SHC4: variants seen among roughly 807,000 people sequenced by gnomAD.
SHC4 encodes the protein SHC-transforming protein 4.
Under a neutral mutation model 69.4 loss-of-function variants are expected in SHC4, and 41 were observed. The observed-to-expected ratio is 0.59, with a 90% CI of 0.46 to 0.77. The LOEUF (loss-of-function observed/expected upper bound fraction) is 0.77, where lower values mean the gene tolerates loss of function less well. Ranked by LOEUF, SHC4 falls within the 30% of genes least tolerant of loss-of-function variation. The probability of loss-of-function intolerance (pLI) is 0.00; values close to 1 mark genes in which losing one functional copy is unlikely to be tolerated. For missense variants in SHC4, 777 were observed against 783.8 expected (o/e 0.99, Z 0.10); for synonymous variants, 318 against 299.3 (o/e 1.06, Z -0.64).
At chr15:48,957,223 G>A (rs1052603586) in intron 1 of SHC4, among the ~76,000 whole-genome samples, 7 of 151,856 alleles carry the variant, frequency 4.6e-5, no homozygotes, top group East Asian at 1.9e-4. Flanking sequence ...AGTGATATGC[G>A]TGCCTCAGCC....
At chr15:48,890,039 C>T (rs1021839891) in intron 3 of SHC4, among the ~76,000 whole-genome samples, 2 of 152,186 alleles carry the variant, frequency 1.3e-5, no homozygotes, top group African/African-American at 4.8e-5. Context: ...AGATGCCAGA[C>T]GCTGTGGTAG....
intron 11 of SHC4, among the ~76,000 whole-genome samples, chr15:48,830,629 T>C (rs1373024605): frequency 6.6e-6 from 1 of 152,060 alleles, no homozygotes; most frequent in Non-Finnish European, 1.5e-5. Flanking sequence ...CCCAAAAAAT[T>C]AACAATAAAG....
rs1186453682 is a variant in SHC4, at chr15:48,835,060, C to G, written c.1484-38G>C. On this transcript the variant is annotated intron_variant, in intron 10 of 11. Transcript: ENST00000332408. ...CACAAAGAGAGACATCATCGAGTTA[C>G]CTCTTCATCCATCCATTCATTCATT... 5 of 1,568,348 alleles carry G rather than the reference C, an allele frequency of 3.2e-6. No homozygotes were observed. The South Asian group carries it at 4.8e-5, about 15-fold the overall frequency.
rs779614122 is a variant in SHC4, at chr15:48,962,557, G to A, written c.459C>T (p.His153=). ...AATCAGGGGTTAGGGCGGTTGCCCT[G>A]TGTCCCACCAGGTCCTGCTGCGGTG... ...APPPQQDLVG[H]RATALTPDSC... Residue 153 remains histidine, a synonymous_variant, in exon 1 of 12, where the codon CAC becomes CAT. Coordinates refer to ENST00000332408, the MANE Select transcript of SHC4 (RefSeq NM_203349.4). 68 of 1,610,212 alleles carry A rather than the reference G, an allele frequency of 4.2e-5. No homozygotes were observed. Among genetic ancestry groups the A allele is most frequent in the Non-Finnish European group, 5.5e-5 (65 of 1,177,798 alleles).
rs572902914 is a variant in SHC4, at chr15:48,907,024, A to C, written c.657-16213T>G. 3.9e-5 allele frequency among the ~76,000 whole-genome samples: 6 copies of C among 152,196 alleles called. No homozygotes were observed. The South Asian group carries it at 1.0e-3, about 26-fold the overall frequency. On this transcript the variant is annotated intron_variant, in intron 2 of 11. Transcript: ENST00000332408. ...ATGCGATTAGAAAAACCATATATCA[A>C]ACTGTTACTACGGGTTATCTCCAGT...
At chr15:48,879,262 A>G (rs1899892577) in intron 4 of SHC4, 1 of 168,314 alleles carries the variant, frequency 5.9e-6, no homozygotes, top group South Asian at 2.0e-4. Context: ...CTACATTTTC[A>G]GTGTAAGATA....
intron 1 of SHC4, among the ~76,000 whole-genome samples, chr15:48,960,950 TAATC>T (rs536697122): frequency 1.5e-4 from 23 of 152,050 alleles, no homozygotes; most frequent in Non-Finnish European, 3.1e-4. Context: ...GGTAACAAAA[TAATC>T]AATCTACCCA....
intron 1 of SHC4, among the ~76,000 whole-genome samples, chr15:48,926,315 C>T (rs1900852773): frequency 6.6e-6 from 1 of 152,122 alleles, no homozygotes; most frequent in Non-Finnish European, 1.5e-5. Context: ...CTGTTGTCTC[C>T]TCGGAAATGA....
intron 2 of SHC4, among the ~76,000 whole-genome samples, chr15:48,916,289 AC>A (rs1900619700): frequency 1.4e-5 from 2 of 146,316 alleles, no homozygotes; most frequent in African/African-American, 5.4e-5. Context: ...ACACACACAC[AC>A]ACACACACAC....
chr15:48,833,594 C>T (rs1490549978), intron 11 of SHC4, among the ~76,000 whole-genome samples: 1 of 152,156 alleles, frequency 6.6e-6, no homozygotes, highest in Admixed American at 6.5e-5. Flanking sequence ...GCAAGCTATC[C>T]TGTGCTCTTC....
intron 2 of SHC4, among the ~76,000 whole-genome samples, chr15:48,900,664 G>A (rs1172754929): frequency 1.3e-5 from 2 of 152,036 alleles, no homozygotes; most frequent in Non-Finnish European, 2.9e-5. Flanking sequence ...GGTCATCCTG[G>A]AGGCAGCAAG....
chr15:48,956,446 G>A (rs1253339849), intron 1 of SHC4, among the ~76,000 whole-genome samples: 1 of 152,172 alleles, frequency 6.6e-6, no homozygotes, highest in African/African-American at 2.4e-5. Context: ...AGAGAAAATA[G>A]AGATGGCTTA....
chr15:48,902,890 CAT>C (rs1436857718), intron 2 of SHC4, among the ~76,000 whole-genome samples: 1 of 152,188 alleles, frequency 6.6e-6, no homozygotes, highest in Non-Finnish European at 1.5e-5. Context: ...CATCTCAGAA[CAT>C]GTTTCAATAT....
intron 2 of SHC4, among the ~76,000 whole-genome samples, chr15:48,914,127 T>A (rs12591892): frequency 0.035 from 5,391 of 152,318 alleles, 257 homozygotes; most frequent in African/African-American, 0.1. Context: ...TCCCAAAGTA[T>A]TGGGATTACA....
At chr15:48,922,504 C>T (rs7169843) in intron 2 of SHC4, among the ~76,000 whole-genome samples, 95,015 of 152,050 alleles carry the variant, frequency 0.62, 30,097 homozygotes, top group East Asian at 0.71. Context: ...TCACGCTGCT[C>T]CTCAGCCAGG....
intron 1 of SHC4, among the ~76,000 whole-genome samples, chr15:48,948,987 C>T (rs747064841): frequency 3.3e-5 from 5 of 152,184 alleles, no homozygotes; most frequent in Non-Finnish European, 7.3e-5. Flanking sequence ...GGAACCTCAT[C>T]CGTTCCCTCT....
intron 10 of SHC4, 74 bp downstream of exon 10, chr15:48,843,335 G>T: frequency 7.0e-7 from 1 of 1,436,846 alleles, no homozygotes; most frequent in Non-Finnish European, 9.5e-7. Flanking sequence ...AACTGTGAAA[G>T]AATAAATTTC....
In SHC4 at chr15:48,963,837, ATACGCAGCGT is replaced by A. The variant is rs1566843834; in HGVS notation, c.-832_-823del. 1.3e-5 allele frequency among the ~76,000 whole-genome samples: 2 copies of A among 152,318 alleles called. No individual in the cohort carries two copies. Among genetic ancestry groups the A allele is most frequent in the South Asian group, 4.1e-4 (2 of 4,822 alleles). On this transcript the variant is annotated 5_prime_UTR_variant, in exon 1 of 12. Transcript: ENST00000332408. Reference sequence around the variant, plus strand: ...GCCGAAAGCTGAGATGTGCAGGATGATACGCAGCGTGTTGAAATTTTTATGAATGAACTTT... The same window carrying A: ...GCCGAAAGCTGAGATGTGCAGGATGAGTTGAAATTTTTATGAATGAACTTT...
chr15:48,856,430 G>T (rs918459985), intron 7 of SHC4, among the ~76,000 whole-genome samples: 1 of 152,116 alleles, frequency 6.6e-6, no homozygotes, highest in African/African-American at 2.4e-5. Flanking sequence ...AGATATTTTT[G>T]TCATAAGATC....
Sources: allele counts gnomAD v4.1 joint callset (sites outside exome capture counted in the v4.1 genomes callset), GRCh38; gene constraint gnomAD v4.1.1; transcripts MANE v1.5; gene names NCBI Gene and HGNC (gene_info 2026-07-23, HGNC 2026-07-21).